The following SIRT5 variants were observed in gnomAD, a reference collection of about 807,000 sequenced individuals.
SIRT5 encodes the protein sirtuin 5.
A neutral mutation model predicts 40.0 loss-of-function variants in SIRT5; 26 were observed. The observed-to-expected ratio is 0.65, with a 90% CI of 0.48 to 0.90. The LOEUF is 0.90. SIRT5 is among the 40% of genes least tolerant of loss of function. The pLI, the probability that SIRT5 is intolerant of heterozygous loss-of-function variation, is 0.00. For synonymous variants in SIRT5, 146 were observed against 149.1 expected, an observed-to-expected ratio of 0.98 and a Z score of 0.15; for missense variants, 401 against 402.4, an observed-to-expected ratio of 1.00 and a Z score of 0.03.
At chr6:13,595,379 G>C in intron 5 of SIRT5, 98 bp from the exon 6 acceptor site, 1 of 939,468 alleles carries the variant, frequency 1.1e-6, no homozygotes, top group Non-Finnish European at 1.7e-6. Context: ...AACATGAAAT[G>C]AAGTGTGAAA....
At chr6:13,601,024 T>G (rs1401863246) in intron 9 of SIRT5, 75 bp downstream of exon 9, 2 of 1,108,086 alleles carry the variant, frequency 1.8e-6, no homozygotes, top group African/African-American at 3.2e-5. Context: ...ATAGTTGACC[T>G]ACTCCTCTAA....
intron 5 of SIRT5, among the ~76,000 whole-genome samples, chr6:13,592,334 T>A (rs1761027101): frequency 6.6e-6 from 1 of 152,170 alleles, no homozygotes; most frequent in Non-Finnish European, 1.5e-5. Flanking sequence ...AGGGGCACGG[T>A]ACTGTGAGAC....
intron 6 of SIRT5, among the ~76,000 whole-genome samples, chr6:13,595,816 A>G (rs184762300): frequency 7.9e-4 from 120 of 152,236 alleles, no homozygotes; most frequent in African/African-American, 2.6e-3. Context: ...CTACAAAAAA[A>G]CAAAACAAAA....
chr6:13,594,279 G>C (rs1761302898), intron 5 of SIRT5, among the ~76,000 whole-genome samples: 1 of 152,148 alleles, frequency 6.6e-6, no homozygotes, highest in African/African-American at 2.4e-5. Flanking sequence ...AGCAATTGTA[G>C]GACACATCTG....
Position 13,612,127 on chromosome 6 carries a change from G to A in SIRT5, c.*262G>A, listed in dbSNP as rs200841733. Reference sequence around the variant, plus strand: ...TGAGGTATCTTTGATGTGTATGGTTGGTTATTGGGAGGGAAAAATTTTGTA... The same window carrying A: ...TGAGGTATCTTTGATGTGTATGGTTAGTTATTGGGAGGGAAAAATTTTGTA... On this transcript the variant is annotated 3_prime_UTR_variant, in exon 10 of 10. Coordinates refer to ENST00000606117, the MANE Select transcript of SIRT5 (RefSeq NM_012241.5). The A allele has an allele frequency of 6.8e-6, 2 of 291,996 alleles. No homozygotes were observed. The highest frequency in any genetic ancestry group is 2.9e-4 in the South Asian group (2 of 6,994). 18.1% of individuals were successfully genotyped at this position (291,996 alleles called of 1,614,324 possible). A position where few individuals can be genotyped will look rare whatever the true frequency, so the allele number is the denominator to read the frequency against.
At position 13,598,929 on chromosome 6, in the gene SIRT5, G is replaced by A. The variant is rs114806534; in HGVS notation, c.618-103G>A. 192 of 1,404,848 alleles carry A rather than the reference G, an allele frequency of 1.4e-4. No homozygotes were observed. In the African/African-American group the frequency reaches 2.4e-3, roughly 18 times the overall value. The allele number at this position is 1,404,848 out of a possible 1,614,324, so 87.0% of individuals were successfully genotyped here. A position where few individuals can be genotyped will look rare whatever the true frequency, so the allele number is the denominator to read the frequency against. ...GTGTAGGGAATAAGAGGCATCAGAGGTGACCCATCTGGATGTACTAGGTTT... is the reference window on the plus strand; with the variant it reads ...GTGTAGGGAATAAGAGGCATCAGAGATGACCCATCTGGATGTACTAGGTTT... On this transcript the variant is annotated intron_variant, in intron 7 of 9. Coordinates refer to ENST00000606117, the MANE Select transcript of SIRT5 (RefSeq NM_012241.5).
rs760983994 is a variant in SIRT5 at position 13,607,303 on chromosome 6, A to T, written c.858-4487A>T. 4.6e-4 allele frequency among the ~76,000 whole-genome samples: 69 copies of T among 151,612 alleles called. No individual in the cohort carries two copies. The highest frequency in any genetic ancestry group is 9.4e-4 in the Non-Finnish European group (64 of 67,902). On this transcript the variant is annotated intron_variant, in intron 9 of 9. Coordinates refer to ENST00000606117, the MANE Select transcript of SIRT5 (RefSeq NM_012241.5). The surrounding 1 kb of genome is among the most constrained non-coding windows in gnomAD (Gnocchi z 4.0). ...ACTGGATTACAACTTCTGGTTTTTG[A>T]TATTTGTCTGTTTTTTTTTTTTCTT...
intron 9 of SIRT5, 77 bp downstream of exon 9, chr6:13,601,026 C>A: frequency 1.8e-6 from 2 of 1,092,488 alleles, no homozygotes; most frequent in Non-Finnish European, 2.7e-6. Context: ...AGTTGACCTA[C>A]TCCTCTAATT....
chr6:13,600,999 C>A, intron 9 of SIRT5, 50 bp downstream of exon 9: 1 of 1,395,720 alleles, frequency 7.2e-7, no homozygotes, highest in Non-Finnish European at 1.0e-6. Flanking sequence ...CAGGTACAGA[C>A]ATGGTCATCT....
intron 9 of SIRT5, 25 bp downstream of exon 9, chr6:13,600,974 G>C: frequency 6.5e-7 from 1 of 1,541,682 alleles, no homozygotes; most frequent in Non-Finnish European, 9.0e-7. Flanking sequence ...TGATGGGAGA[G>C]GGAGATGTGG....
intron 4 of SIRT5, 100 bp downstream of exon 4, chr6:13,588,564 GTTT>G (rs1760392967): frequency 1.5e-6 from 2 of 1,364,164 alleles, no homozygotes; most frequent in Non-Finnish European, 9.8e-7. Context: ...CAGGGAAATG[GTTT>G]TTAAGTGAAC....
chr6:13,611,236 TAC>T (rs70989875), intron 9 of SIRT5, among the ~76,000 whole-genome samples: 5,999 of 92,704 alleles, frequency 0.065, 227 homozygotes, highest in African/African-American at 0.11. Flanking sequence ...TATATATATA[TAC>T]ACACACACAT....
Position 13,588,366 on chromosome 6 carries a change from A to G in SIRT5, c.151A>G (p.Lys51Glu), listed in dbSNP as rs978930878. 5 of 1,614,030 alleles carry G rather than the reference A, an allele frequency of 3.1e-6. No individual in the cohort carries two copies. The African/African-American group carries it at 6.7e-5, about 22-fold the overall frequency. ...TTTTCGAAAGTTTTTTGCAAAAGCA[A>G]AGCACATAGTCATCATCTCAGGAGC... is the stretch of plus-strand genomic sequence containing the variant. The part of the protein sequence containing the change: ...ADFRKFFAKA[K>E]HIVIISGAGV... The change falls in exon 4 of 10, where the codon AAG (lysine) becomes GAG (glutamate). Residue 51 changes from lysine (K) to glutamate (E), a missense_variant. Coordinates refer to ENST00000606117, the MANE Select transcript of SIRT5 (RefSeq NM_012241.5).
At position 13,597,064 on chromosome 6, in the gene SIRT5, A is replaced by C. The variant is rs772206787; in HGVS notation, c.617+48A>C. The C allele has an allele frequency of 5.8e-6, 5 of 857,766 alleles. No homozygotes were observed. The South Asian group carries it at 8.9e-5, about 15-fold the overall frequency. 53.1% of individuals were successfully genotyped at this position (857,766 alleles called of 1,614,324 possible). On this transcript the variant is annotated intron_variant, in intron 7 of 9. Transcript: ENST00000606117. ...TACTGGTGTTCCAGGTTACCAAAAC[A>C]AAAAAAAAAACAGACATCAAAACCT...
chr6:13,605,590 T>C (rs1426125109), intron 9 of SIRT5: 1 of 985,350 alleles, frequency 1.0e-6, no homozygotes. Context: ...GGCATAGAAT[T>C]CTCCTCCCAC....
At position 13,598,824 on chromosome 6, in the gene SIRT5, T is replaced by TC. The variant is rs1761965634; in HGVS notation, c.618-207dup. On this transcript the variant is annotated intron_variant, in intron 7 of 9. Coordinates refer to ENST00000606117, the MANE Select transcript of SIRT5 (RefSeq NM_012241.5). Reference sequence around the variant, plus strand: ...CTGGGCAGCAGAGTGAGACTCCGTCTCAAAAAAAAAAAAAAAAAAAAAGAC... The same window carrying TC: ...CTGGGCAGCAGAGTGAGACTCCGTCTCCAAAAAAAAAAAAAAAAAAAAAGAC... Among the ~76,000 whole-genome samples, 8 of 77,798 alleles carry TC rather than the reference T, an allele frequency of 1.0e-4. No homozygotes were observed. The South Asian group carries it at 3.9e-3, about 38-fold the overall frequency. 51.0% of individuals were successfully genotyped at this position (77,798 alleles called of 152,430 possible).
rs1759740410 is a variant in SIRT5, at chr6:13,584,088, A to G, written c.-23A>G. 1 of 1,575,006 alleles carries G rather than the reference A, an allele frequency of 6.3e-7. No individual in the cohort carries two copies. The highest frequency in any genetic ancestry group is 2.2e-5 in the East Asian group (1 of 44,676). Reference sequence around the variant, plus strand: ...GATTTTTCTAAAGCCCGCCTCAAGCATTAGAACTACAGACAAACCCTGATG... The same window carrying G: ...GATTTTTCTAAAGCCCGCCTCAAGCGTTAGAACTACAGACAAACCCTGATG... On this transcript the variant is annotated 5_prime_UTR_variant, in exon 3 of 10. Transcript: ENST00000606117.
rs1417025502 is a variant in SIRT5, at chr6:13,607,383, C to CT, written c.858-4403dup. On this transcript the variant is annotated intron_variant, in intron 9 of 9. Coordinates refer to ENST00000606117, the MANE Select transcript of SIRT5 (RefSeq NM_012241.5). This position sits in a 1 kb window ranked among gnomAD's most constrained non-coding sequence, Gnocchi z 4.0. ...AACATGTGAAGCAGTCTTCCCCCAT[C>CT]TTTTACACCTACACCTAATTTAACC... Among the ~76,000 whole-genome samples, 2 of 152,004 alleles carry CT rather than the reference C, an allele frequency of 1.3e-5. No individual in the cohort carries two copies. Among genetic ancestry groups the CT allele is most frequent in the African/African-American group, 4.8e-5 (2 of 41,370 alleles).
rs1762280948 is a variant in SIRT5, at chr6:13,600,850, T to C, written c.758T>C (p.Val253Ala). The change falls in exon 9 of 10, where the codon GTG (valine) becomes GCG (alanine). Residue 253 changes from valine to alanine, a missense_variant. Physicochemically the swap from Val to Ala is moderately conservative, Grantham distance 64. Transcript: ENST00000606117. ...DLCLVVGTSSVVYPAAMFAPQ... is the reference protein window; with the variant it reads ...DLCLVVGTSSAVYPAAMFAPQ... ...GCCTTGTAGGTGGGCACTTCCTCTGTGGTGTACCCAGCAGCCATGTTTGCC... is the reference window on the plus strand; with the variant it reads ...GCCTTGTAGGTGGGCACTTCCTCTGCGGTGTACCCAGCAGCCATGTTTGCC... 2 of 1,613,724 alleles carry C rather than the reference T, an allele frequency of 1.2e-6. No homozygotes were observed. The highest frequency in any genetic ancestry group is 4.5e-5 in the East Asian group (2 of 44,866).
Sources: gnomAD v4.1 joint callset for allele counts (sites outside exome capture counted in the v4.1 genomes callset) on GRCh38, gnomAD v4.1.1 for gene constraint, Gnocchi (gnomAD v3.1) non-coding constraint, MANE v1.5 for transcripts, NCBI Gene and HGNC (gene_info 2026-07-23, HGNC 2026-07-21) for gene names.